Variants in NKAIN2 observed in about 807,000 individuals in gnomAD.
The protein encoded by NKAIN2 is sodium/potassium transporting ATPase interacting 2, also known as sodium/potassium-transporting ATPase subunit beta-1-interacting protein 2.
NKAIN2 carries 14 observed loss-of-function variants against 32.6 expected under a neutral mutation model. The observed-to-expected ratio is 0.43, with a 90% CI of 0.28 to 0.67. The LOEUF is 0.67. Ranked by LOEUF, NKAIN2 falls within the 30% of genes least tolerant of loss-of-function variation. The pLI is 0.17. For synonymous variants in NKAIN2, 80 were observed against 87.2 expected, an observed-to-expected ratio of 0.92 and a Z score of 0.46; for missense variants, 198 against 258.3, an observed-to-expected ratio of 0.77 and a Z score of 1.60.
intron 4 of NKAIN2, among the ~76,000 whole-genome samples, chr6:124,770,908 A>T (rs926905007): frequency 3.9e-5 from 6 of 152,204 alleles, no homozygotes; most frequent in African/African-American, 1.2e-4. Context: ...TACACAGTTC[A>T]TCTTCCTTTG....
intron 4 of NKAIN2, among the ~76,000 whole-genome samples, chr6:124,696,259 G>A (rs925641548): frequency 3.9e-5 from 6 of 152,114 alleles, no homozygotes; most frequent in African/African-American, 9.7e-5. Flanking sequence ...CTTTGCATGC[G>A]AATGTGAAGT....
intron 2 of NKAIN2, among the ~76,000 whole-genome samples, chr6:124,354,964 G>T (rs976753611): frequency 2.6e-5 from 4 of 151,252 alleles, no homozygotes; most frequent in African/African-American, 7.3e-5. Context: ...CAGCTATTCG[G>T]GAGGCTGAGG....
chr6:123,912,332 G>A (rs1369669198), intron 1 of NKAIN2, among the ~76,000 whole-genome samples: 1 of 151,776 alleles, frequency 6.6e-6, no homozygotes, highest in African/African-American at 2.4e-5. Flanking sequence ...TACATATTTT[G>A]TAATTTGTAT....
chr6:124,438,723 A>G (rs56980409), intron 3 of NKAIN2, among the ~76,000 whole-genome samples: 9,021 of 152,064 alleles, frequency 0.059, 842 homozygotes, highest in African/African-American at 0.2. Context: ...CCTCCCTGTC[A>G]CTAACTAAAT....
intron 1 of NKAIN2, among the ~76,000 whole-genome samples, chr6:123,922,732 A>G (rs571963832): frequency 3.0e-4 from 45 of 152,264 alleles, no homozygotes; most frequent in Non-Finnish European, 5.3e-4. Context: ...TTGCTCAGTT[A>G]TATTTCTCAG....
At chr6:124,682,362 A>G (rs959953206) in intron 4 of NKAIN2, among the ~76,000 whole-genome samples, 2 of 152,150 alleles carry the variant, frequency 1.3e-5, no homozygotes, top group African/African-American at 4.8e-5. Flanking sequence ...CTGGCACTAT[A>G]TAATTGAAAA....
At chr6:124,619,082 TA>T (rs2115012471) in intron 3 of NKAIN2, among the ~76,000 whole-genome samples, 1 of 152,272 alleles carries the variant, frequency 6.6e-6, no homozygotes, top group South Asian at 2.1e-4. Context: ...ATTTCCACAT[TA>T]ATCATCATAT....
intron 1 of NKAIN2, among the ~76,000 whole-genome samples, chr6:123,890,170 T>A (rs969561195): frequency 1.3e-5 from 2 of 151,938 alleles, no homozygotes; most frequent in East Asian, 3.9e-4. Context: ...ACTGGTGGAG[T>A]AGACTCCTTG....
intron 1 of NKAIN2, among the ~76,000 whole-genome samples, chr6:123,973,518 A>G (rs1778428037): frequency 1.3e-5 from 2 of 152,090 alleles, no homozygotes; most frequent in South Asian, 2.1e-4. Flanking sequence ...CTGTTAACCA[A>G]TGGATGATTT....
intron 4 of NKAIN2, among the ~76,000 whole-genome samples, chr6:124,780,670 G>C (rs1459182313): frequency 6.6e-6 from 1 of 152,136 alleles, no homozygotes; most frequent in African/African-American, 2.4e-5. Flanking sequence ...TGAGCAAAAA[G>C]AGTTATCGTT....
intron 3 of NKAIN2, among the ~76,000 whole-genome samples, chr6:124,559,360 A>G (rs963936333): frequency 6.6e-6 from 1 of 152,186 alleles, no homozygotes. Context: ...TTTTGAGTGG[A>G]CATACAAGTT....
intron 3 of NKAIN2, among the ~76,000 whole-genome samples, chr6:124,399,941 A>G (rs1247932774): frequency 6.6e-6 from 1 of 152,340 alleles, no homozygotes; most frequent in East Asian, 1.9e-4. Context: ...AGAGAAAAGA[A>G]AAACAAGGAT....
At chr6:124,237,205 G>A (rs953475639) in intron 1 of NKAIN2, among the ~76,000 whole-genome samples, 15 of 152,118 alleles carry the variant, frequency 9.9e-5, no homozygotes, top group Non-Finnish European at 1.9e-4. Context: ...CAGCAGGTGA[G>A]TGCATATTGT....
chr6:124,623,830 G>T (rs987564757), intron 3 of NKAIN2, among the ~76,000 whole-genome samples: 10 of 152,176 alleles, frequency 6.6e-5, no homozygotes, highest in African/African-American at 2.4e-4. Flanking sequence ...AGAGATGGCA[G>T]TAGATCTTTG....
At chr6:124,108,218 A>G (rs1350905589) in intron 1 of NKAIN2, among the ~76,000 whole-genome samples, 1 of 152,092 alleles carries the variant, frequency 6.6e-6, no homozygotes, top group Non-Finnish European at 1.5e-5. Context: ...ACATCCTAAT[A>G]GGTACAAGGT....
intron 1 of NKAIN2, among the ~76,000 whole-genome samples, chr6:124,000,268 A>G (rs544351436): frequency 6.6e-6 from 1 of 152,070 alleles, no homozygotes; most frequent in African/African-American, 2.4e-5. Flanking sequence ...ATTAAAACAA[A>G]AAGTCCCAGA....
At chr6:124,183,923 A>G (rs901978518) in intron 1 of NKAIN2, among the ~76,000 whole-genome samples, 1 of 152,172 alleles carries the variant, frequency 6.6e-6, no homozygotes, top group Admixed American at 6.5e-5. Flanking sequence ...ATAGTGATGA[A>G]TAGAGACATC....
chr6:124,814,862 A>G lies in NKAIN2; in HGVS notation c.536-3525A>G, dbSNP rs933771440. 3.9e-5 allele frequency among the ~76,000 whole-genome samples: 6 copies of G among 152,218 alleles called. No individual in the cohort carries two copies. The East Asian group carries it at 7.7e-4, about 20-fold the overall frequency. ...AATTATCATCTATTTTTTTTCTGCC[A>G]TCCCTCCTAAATCCCTGTAATCAAG... On this transcript the variant is annotated intron_variant, in intron 5 of 6. Transcript: ENST00000368417.
intron 1 of NKAIN2, among the ~76,000 whole-genome samples, chr6:124,171,547 ATTTT>A (rs10665262): frequency 1.2e-4 from 12 of 96,470 alleles, no homozygotes; most frequent in African/African-American, 2.8e-4. Context: ...GGCCGATTTG[ATTTT>A]TTTTTTTTTT....
Sources: allele counts gnomAD v4.1 joint callset (sites outside exome capture counted in the v4.1 genomes callset), GRCh38; gene constraint gnomAD v4.1.1; transcripts MANE v1.5; gene names NCBI Gene and HGNC (gene_info 2026-07-23, HGNC 2026-07-21).